Variants in CDKL5 observed in about 807,000 individuals in gnomAD.
CDKL5 encodes cyclin dependent kinase like 5.
A neutral mutation model predicts 61.7 loss-of-function variants in CDKL5; 8 were observed. The observed-to-expected ratio is 0.13, with a 90% confidence interval of 0.08 to 0.23. CDKL5 has a LOEUF of 0.23. Among genes scored for constraint, CDKL5 ranks in the 10% least tolerant of loss-of-function variants. The probability of loss-of-function intolerance (pLI) is 1.00; values close to 1 mark genes in which losing one functional copy is unlikely to be tolerated. For synonymous variants in CDKL5, 275 were observed against 272.3 expected (o/e 1.01, Z -0.10); for missense variants, 440 against 734.5 (o/e 0.60, Z 4.63).
At chrX:18,464,001 G>T (rs1321648356) in intron 1 of CDKL5, among the ~76,000 whole-genome samples, 2 of 109,649 alleles carry the variant, frequency 1.8e-5, no homozygotes, top group East Asian at 5.7e-4. Context: ...TCTTAAGTAT[G>T]GTGTGTGTGT....
At chrX:18,446,146 C>A in intron 1 of CDKL5, among the ~76,000 whole-genome samples, 1 of 104,924 alleles carries the variant, frequency 9.5e-6, no homozygotes, top group Middle Eastern at 4.3e-3. Flanking sequence ...GAGTTTGAGA[C>A]CAGCCTGGCC....
At chrX:18,439,189 T>C (rs1255166955) in intron 1 of CDKL5, among the ~76,000 whole-genome samples, 1 of 108,201 alleles carries the variant, frequency 9.2e-6, no homozygotes, top group Non-Finnish European at 1.9e-5. Context: ...GTGTAAGATA[T>C]GTAATTGTTA....
intron 3 of CDKL5, among the ~76,000 whole-genome samples, chrX:18,511,808 A>G (rs1047414788): frequency 1.8e-5 from 2 of 112,427 alleles, no homozygotes; most frequent in Non-Finnish European, 3.8e-5. Context: ...CAGGGCAGTG[A>G]CAGATTTAAT....
At chrX:18,601,158 A>G (rs1230089529) in intron 11 of CDKL5, among the ~76,000 whole-genome samples, 1 of 111,465 alleles carries the variant, frequency 9.0e-6, no homozygotes, top group Non-Finnish European at 1.9e-5. Context: ...CTTGTCTTCT[A>G]AATTTTTTCT....
rs747244886 is a variant in CDKL5 at position 18,616,494 on chromosome X, G to T, written c.2276+3219G>T. Among the ~76,000 whole-genome samples the T allele has an allele frequency of 2.7e-5, 3 of 109,588 alleles. No individual in the cohort carries two copies. The Admixed American group carries it at 2.9e-4, about 11-fold the overall frequency. ...TACAAAATTAGCTGGGCATGGTGGC[G>T]CATGCTGGTAATCCCAGCTACTCGG... On this transcript the variant is annotated intron_variant, in intron 15 of 17. Transcript: ENST00000623535.
intron 3 of CDKL5, among the ~76,000 whole-genome samples, chrX:18,539,439 T>G (rs1408012311): frequency 8.9e-6 from 1 of 112,257 alleles, no homozygotes; most frequent in Non-Finnish European, 1.9e-5. Flanking sequence ...AAATTAGAAT[T>G]TCCTTTGAGA....
At chrX:18,650,964 C>T (rs973693444) in intron 21 of CDKL5, among the ~76,000 whole-genome samples, 10 of 111,834 alleles carry the variant, frequency 8.9e-5, no homozygotes, top group Admixed American at 3.8e-4. Context: ...AGCGTCTTGC[C>T]AAAAAGCAGC....
At chrX:18,540,423 T>G (rs185378493) in intron 3 of CDKL5, among the ~76,000 whole-genome samples, 143 of 111,954 alleles carry the variant, frequency 1.3e-3, no homozygotes, top group African/African-American at 4.4e-3. Context: ...GCAGTCCACC[T>G]GCATTGGCCT....
Position 18,637,965 on chromosome X carries a change from A to C in CDKL5, c.*9208A>C, listed in dbSNP as rs1271961187. 9.0e-6 allele frequency: 1 copy of C among 111,491 alleles called. No individual in the cohort carries two copies. Among genetic ancestry groups the C allele is most frequent in the African/African-American group, 3.3e-5 (1 of 30,639 alleles). The allele number at this position is 111,491 out of a possible 1,213,427, so 9.2% of individuals were successfully genotyped here. A position where few individuals can be genotyped will look rare whatever the true frequency, so the allele number is the denominator to read the frequency against. ...ATTTGATCTTCGTATCAGCCCTGTA[A>C]GGTTGGGCTTAAGAATGACCCAGCA... On this transcript the variant is annotated 3_prime_UTR_variant, in exon 18 of 18. Coordinates refer to ENST00000623535, the MANE Select transcript of CDKL5 (RefSeq NM_001323289.2).
chrX:18,619,720 C>CT, intron 15 of CDKL5, 147 bp from the exon 16 acceptor site: 1 of 456,099 alleles, frequency 2.2e-6, no homozygotes, highest in South Asian at 3.4e-5. Flanking sequence ...TCCTCCTGTG[C>CT]TTTTTTAGAG....
intron 3 of CDKL5, among the ~76,000 whole-genome samples, chrX:18,525,127 T>A (rs1467543378): frequency 9.0e-6 from 1 of 111,101 alleles, no homozygotes; most frequent in Admixed American, 9.6e-5. Flanking sequence ...TGAGATGGAG[T>A]CTCGCTCTGT....
At chrX:18,551,013 T>G (rs1924366416) in intron 3 of CDKL5, among the ~76,000 whole-genome samples, 1 of 112,065 alleles carries the variant, frequency 8.9e-6, no homozygotes, top group East Asian at 2.8e-4. Context: ...TTTTATATGA[T>G]CTATAAGTAT....
chrX:18,518,388 A>ATTTTTTTTTTTTTTT lies in CDKL5; in HGVS notation c.99+7555_99+7569dup, dbSNP rs779361711. Among the ~76,000 whole-genome samples the ATTTTTTTTTTTTTTT allele has an allele frequency of 1.0e-3, 22 of 21,167 alleles. 4 individuals are homozygous for ATTTTTTTTTTTTTTT. The highest frequency in any genetic ancestry group is 6.2e-3 in the East Asian group (3 of 484). 18.4% of individuals were successfully genotyped at this position (21,167 alleles called of 115,157 possible). On this transcript the variant is annotated intron_variant, in intron 3 of 17. Transcript: ENST00000623535. ...AAGTCATGTTTTCTTTTCTTTTCTTATTTTTTTTTTTTTTTTTTTTTTTTT... is the reference window on the plus strand; with the variant it reads ...AAGTCATGTTTTCTTTTCTTTTCTTATTTTTTTTTTTTTTTTTTTTTTTTTTTTTTTTTTTTTTTT...
chrX:18,530,748 A>G (rs1008575088), intron 3 of CDKL5, among the ~76,000 whole-genome samples: 2 of 111,645 alleles, frequency 1.8e-5, no homozygotes, highest in Non-Finnish European at 3.8e-5. Context: ...AAAGCTGGAT[A>G]TGATATATTA....
intron 2 of CDKL5, among the ~76,000 whole-genome samples, chrX:18,508,801 T>C (rs1389776137): frequency 1.8e-5 from 2 of 110,247 alleles, no homozygotes; most frequent in Non-Finnish European, 3.8e-5. Flanking sequence ...ATATAAAGTA[T>C]ATAACAATCT....
chrX:18,460,339 G>A (rs1932254800), intron 1 of CDKL5, among the ~76,000 whole-genome samples: 1 of 110,874 alleles, frequency 9.0e-6, no homozygotes, highest in Non-Finnish European at 1.9e-5. Context: ...CACGAGAACA[G>A]TACCCAGGTA....
chrX:18,586,323 A>G (rs996723140), intron 8 of CDKL5, among the ~76,000 whole-genome samples: 1 of 111,657 alleles, frequency 9.0e-6, no homozygotes, highest in Non-Finnish European at 1.9e-5. Context: ...CACTTTACCA[A>G]TGGAGAAATG....
intron 1 of CDKL5, among the ~76,000 whole-genome samples, chrX:18,445,030 A>T (rs906319073): frequency 9.3e-6 from 1 of 107,829 alleles, no homozygotes; most frequent in Non-Finnish European, 1.9e-5. Context: ...TTTTGACTCC[A>T]TATTTGTGTA....
chrX:18,609,765 G>C (rs373744056), intron 14 of CDKL5, among the ~76,000 whole-genome samples, 195 bp downstream of exon 14: 1 of 111,478 alleles, frequency 9.0e-6, no homozygotes. Context: ...CCTCTTAACT[G>C]GTCTCCCTAT....
Sources: gnomAD v4.1 joint callset for allele counts (sites outside exome capture counted in the v4.1 genomes callset) on GRCh38, gnomAD v4.1.1 for gene constraint, MANE v1.5 for transcripts, NCBI Gene and HGNC (gene_info 2026-07-23, HGNC 2026-07-21) for gene names.